Variants in PDC observed in about 807,000 individuals in gnomAD.
PDC encodes phosducin.
In PDC, 19 loss-of-function variants were observed where a neutral mutation model predicts 22.2. The ratio of observed to expected loss-of-function variants is 0.86; its 90% CI spans 0.60 to 1.26. PDC has a LOEUF of 1.26. Ranked by LOEUF, PDC falls within the 50% of genes most tolerant of loss-of-function variation. The pLI, the probability that PDC is intolerant of heterozygous loss-of-function variation, is 0.00. For missense variants in PDC, 274 were observed against 286.8 expected, an observed-to-expected ratio of 0.96 and a Z score of 0.32; for synonymous variants, 97 against 96.2, an observed-to-expected ratio of 1.01 and a Z score of -0.05.
intron 2 of PDC, chr1:186,448,805 C>G (rs149727627): frequency 4.9e-6 from 1 of 204,244 alleles, no homozygotes; most frequent in East Asian, 1.8e-4. Flanking sequence ...GAGGAAATTA[C>G]CATTCAAATA....
chr1:186,459,955 T>G (rs1420175259), intron 1 of PDC, among the ~76,000 whole-genome samples: 1 of 151,054 alleles, frequency 6.6e-6, no homozygotes, highest in Non-Finnish European at 1.5e-5. Context: ...AAATTTTCAC[T>G]GAATTTAAGA....
Position 186,449,070 on chromosome 1 carries a change from T to G in PDC, c.61+329A>C, listed in dbSNP as rs1203121823. On this transcript the variant is annotated intron_variant, in intron 2 of 3. Transcript: ENST00000391997. ...CCTTTTGGTCTAATCTTGTTTACAA[T>G]GAAAGTTCATACTGAGGGTGGGGTA... Among the ~76,000 whole-genome samples, 3 of 152,058 alleles carry G rather than the reference T, an allele frequency of 2.0e-5. No homozygotes were observed. In the East Asian group the frequency reaches 5.8e-4, roughly 29 times the overall value.
At chr1:186,460,669 C>T (rs551108029) in intron 1 of PDC, among the ~76,000 whole-genome samples, 2 of 152,226 alleles carry the variant, frequency 1.3e-5, no homozygotes, top group East Asian at 1.9e-4. Flanking sequence ...GGGCAACTAC[C>T]GCACTCCTTT....
rs543060782 is a variant in PDC at position 186,445,708 on chromosome 1, C to A, written c.213+718G>T. ...ACTTGGGAGGCTGTGGCAGGAGAAT[C>A]GCTTGAACCCAGGAGGTAGGGGTTG... On this transcript the variant is annotated intron_variant, in intron 3 of 3. Coordinates refer to ENST00000391997, the MANE Select transcript of PDC (RefSeq NM_002597.5). Among the ~76,000 whole-genome samples the A allele has an allele frequency of 2.3e-3, 351 of 152,194 alleles. 3 individuals are homozygous for A. The highest frequency in any genetic ancestry group is 7.7e-3 in the African/African-American group (320 of 41,526).
At chr1:186,446,356 AT>A in intron 3 of PDC, 69 bp downstream of exon 3, 1 of 1,179,176 alleles carries the variant, frequency 8.5e-7, no homozygotes, top group Non-Finnish European at 1.2e-6. Context: ...GTCTAAAGTG[AT>A]TCTCTAGATT....
chr1:186,457,505 C>T (rs1053971413), intron 1 of PDC, among the ~76,000 whole-genome samples: 79 of 152,260 alleles, frequency 5.2e-4, no homozygotes, highest in African/African-American at 1.5e-3. Context: ...CATGATTTTG[C>T]GGATCATAAG....
rs1313997895 is a variant in PDC, at chr1:186,449,451, T to G, written c.9A>C (p.Glu3Asp). 6.2e-7 allele frequency: 1 copy of G among 1,602,140 alleles called. No homozygotes were observed. Among genetic ancestry groups the G allele is most frequent in the African/African-American group, 1.3e-5 (1 of 74,648 alleles). The change falls in exon 2 of 4, where the codon GAA becomes GAC. Residue 3 changes from glutamate to aspartate, a missense_variant. By Grantham distance (45) the Glu-to-Asp change is conservative. Transcript: ENST00000391997. The part of the protein sequence containing the change: ME[E>D]AKSQSLEEDF... ...CTTCCTCCAAACTTTGGCTTTTGGC[T>G]TCTTCCATTTTAGGGACTGGATTTG... is the stretch of plus-strand genomic sequence containing the variant.
intron 2 of PDC, chr1:186,448,830 T>A: frequency 5.8e-6 from 1 of 172,446 alleles, no homozygotes; most frequent in Non-Finnish European, 1.2e-5. Context: ...TTAGTAGAGT[T>A]AAATGTGAAT....
intron 1 of PDC, among the ~76,000 whole-genome samples, chr1:186,459,585 TG>T (rs1662538028): frequency 1.3e-5 from 2 of 151,934 alleles, no homozygotes; most frequent in Non-Finnish European, 2.9e-5. Flanking sequence ...TTATTATGAA[TG>T]GTTCATATAT....
intron 3 of PDC, among the ~76,000 whole-genome samples, chr1:186,445,536 G>C (rs921637003): frequency 6.6e-6 from 1 of 151,856 alleles, no homozygotes; most frequent in African/African-American, 2.4e-5. Context: ...TTACTGTCCC[G>C]GGATGGGTAT....
chr1:186,455,809 A>G (rs1022726320), intron 1 of PDC, among the ~76,000 whole-genome samples: 1 of 140,570 alleles, frequency 7.1e-6, no homozygotes, highest in Non-Finnish European at 1.5e-5. Context: ...AAAAAAAAAA[A>G]AAAAAAAAAA....
chr1:186,456,394 A>G (rs10798041), intron 1 of PDC, among the ~76,000 whole-genome samples: 31,123 of 152,138 alleles, frequency 0.2, 4,593 homozygotes, highest in African/African-American at 0.42. Context: ...TTGAGGTTCA[A>G]GTAAATGTAT....
At chr1:186,447,757 C>T (rs765150789) in intron 2 of PDC, among the ~76,000 whole-genome samples, 79 of 151,904 alleles carry the variant, frequency 5.2e-4, no homozygotes, top group South Asian at 1.0e-3. Flanking sequence ...ATATTATATG[C>T]AGGCAATCAA....
At position 186,444,277 on chromosome 1, in the gene PDC, C is replaced by T; in HGVS notation, c.443G>A (p.Cys148Tyr). The T allele has an allele frequency of 6.2e-7, 1 of 1,613,976 alleles. No homozygotes were observed. Reference protein sequence around the residue: ...VHIYEDGIKGCDALNSSLTCL... With the variant: ...VHIYEDGIKGYDALNSSLTCL... ...TGTTAAACTACTGTTTAGAGCATCA[C>T]AACCCTTAATACCATCTTCATAAAT... Residue 148 changes from cysteine to tyrosine, a missense_variant, in exon 4 of 4, where the codon TGT becomes TAT. Physicochemically the swap from Cys to Tyr is radical, Grantham distance 194. Coordinates refer to ENST00000391997, the MANE Select transcript of PDC (RefSeq NM_002597.5).
intron 2 of PDC, among the ~76,000 whole-genome samples, chr1:186,448,097 A>G (rs1313971727): frequency 4.6e-5 from 7 of 152,188 alleles, no homozygotes; most frequent in Admixed American, 4.6e-4. Flanking sequence ...TCTATGACAT[A>G]TGATGCTGAG....
intron 1 of PDC, among the ~76,000 whole-genome samples, chr1:186,460,604 A>G (rs1662562593): frequency 6.6e-6 from 1 of 152,202 alleles, no homozygotes; most frequent in Non-Finnish European, 1.5e-5. Context: ...GTTCAGTTTT[A>G]TCTATGGTTT....
At position 186,457,721 on chromosome 1, in the gene PDC, C is replaced by T. The variant is rs147077768; in HGVS notation, c.-25+3338G>A. Among the ~76,000 whole-genome samples the T allele has an allele frequency of 2.1e-4, 32 of 152,100 alleles. No individual in the cohort carries two copies. In the East Asian group the frequency reaches 4.0e-3, roughly 19 times the overall value. On this transcript the variant is annotated intron_variant, in intron 1 of 3. Transcript: ENST00000391997. The stretch of plus-strand genomic sequence containing the variant: ...TTTTCTTTAAAATTAAATTTTGGGA[C>T]GCATGAGTGGAATACAGGACACATG...
intron 1 of PDC, among the ~76,000 whole-genome samples, chr1:186,459,794 CTA>C (rs1320111467): frequency 9.3e-6 from 1 of 107,498 alleles, no homozygotes; most frequent in Non-Finnish European, 2.1e-5. Flanking sequence ...AAAATGGACT[CTA>C]TAGTTAGAAG....
chr1:186,457,838 G>C (rs1310019662), intron 1 of PDC, among the ~76,000 whole-genome samples: 1 of 152,082 alleles, frequency 6.6e-6, no homozygotes, highest in Non-Finnish European at 1.5e-5. Context: ...TCATCCTGAT[G>C]CTGTTGAAAA....
Sources: allele counts gnomAD v4.1 joint callset (sites outside exome capture counted in the v4.1 genomes callset), GRCh38; gene constraint gnomAD v4.1.1; transcripts MANE v1.5; gene names NCBI Gene and HGNC (gene_info 2026-07-23, HGNC 2026-07-21).